The following PDSS2 variants were observed in gnomAD, a reference collection of about 807,000 sequenced individuals.
The protein encoded by PDSS2 is decaprenyl diphosphate synthase subunit 2, also known as all trans-polyprenyl-diphosphate synthase PDSS2.
PDSS2 carries 31 observed loss-of-function variants against 44.5 expected under a neutral mutation model. The observed-to-expected ratio is 0.70, with a 90% CI of 0.52 to 0.94. The LOEUF (loss-of-function observed/expected upper bound fraction) is 0.94, where lower values mean the gene tolerates loss of function less well. Ranked by LOEUF, PDSS2 falls within the 40% of genes least tolerant of loss-of-function variation. PDSS2 has a pLI of 0.00. For synonymous variants in PDSS2, 157 were observed against 180.3 expected (o/e 0.87, Z 1.03); for missense variants, 452 against 482.2 (o/e 0.94, Z 0.59).
rs372235886 is a variant in PDSS2 at position 107,308,733 on chromosome 6, TCCATG to T, written c.431+25460_431+25464del. Among the ~76,000 whole-genome samples, 115 of 152,314 alleles carry T rather than the reference TCCATG, an allele frequency of 7.6e-4. 2 individuals carry two copies. In the East Asian group the frequency reaches 0.015, roughly 20 times the overall value. ...TTGCTGCTACACACCCACCCTACTC[TCCATG>T]CCATGCATGGCTGCCACCATAATGT... On this transcript the variant is annotated intron_variant, in intron 2 of 7. Coordinates refer to ENST00000369037, the MANE Select transcript of PDSS2 (RefSeq NM_020381.4).
At chr6:107,296,797 T>C (rs1313391516) in intron 2 of PDSS2, among the ~76,000 whole-genome samples, 3 of 152,174 alleles carry the variant, frequency 2.0e-5, no homozygotes, top group Admixed American at 1.3e-4. Context: ...TTACCCAAAA[T>C]AGAGTACTGC....
intron 4 of PDSS2, among the ~76,000 whole-genome samples, chr6:107,217,374 G>C (rs1423430564): frequency 6.6e-6 from 1 of 152,118 alleles, no homozygotes; most frequent in East Asian, 1.9e-4. Context: ...GGGAGGCACA[G>C]TCAAAGTCAT....
intron 7 of PDSS2, among the ~76,000 whole-genome samples, chr6:107,182,351 G>A (rs11758043): frequency 0.034 from 5,195 of 152,214 alleles, 132 homozygotes; most frequent in Middle Eastern, 0.054. Context: ...TTGAGACAGA[G>A]TCTCACTCTA....
chr6:107,227,219 G>C (rs531119068), intron 4 of PDSS2, among the ~76,000 whole-genome samples: 10 of 148,870 alleles, frequency 6.7e-5, no homozygotes, highest in African/African-American at 2.5e-4. Context: ...CTGACCTCAA[G>C]TGATCTGCCG....
chr6:107,260,052 T>C (rs575486142), intron 3 of PDSS2, among the ~76,000 whole-genome samples: 3 of 152,308 alleles, frequency 2.0e-5, no homozygotes, highest in Non-Finnish European at 4.4e-5. Flanking sequence ...AACAATTTAA[T>C]GAAATTTCCA....
intron 1 of PDSS2, among the ~76,000 whole-genome samples, chr6:107,421,672 A>T (rs1780826894): frequency 1.3e-5 from 2 of 151,836 alleles, no homozygotes; most frequent in African/African-American, 4.8e-5. Context: ...AAGGTTAGGA[A>T]AGGAGGAAAA....
At chr6:107,315,104 C>T (rs576842777) in intron 2 of PDSS2, among the ~76,000 whole-genome samples, 1 of 151,984 alleles carries the variant, frequency 6.6e-6, no homozygotes, top group South Asian at 2.1e-4. Flanking sequence ...AATAAATTTA[C>T]CAATTACTCT....
At chr6:107,260,523 C>T (rs1032081945) in intron 3 of PDSS2, among the ~76,000 whole-genome samples, 5 of 152,094 alleles carry the variant, frequency 3.3e-5, no homozygotes, top group Non-Finnish European at 7.4e-5. Flanking sequence ...AACCTCACAT[C>T]ATGGTTGGCC....
At chr6:107,411,085 T>C (rs953871524) in intron 1 of PDSS2, among the ~76,000 whole-genome samples, 1 of 149,946 alleles carries the variant, frequency 6.7e-6, no homozygotes, top group Non-Finnish European at 1.5e-5. Flanking sequence ...AGGGTTTTGC[T>C]ATGTTGGCCA....
intron 1 of PDSS2, among the ~76,000 whole-genome samples, chr6:107,442,403 C>A (rs988193839): frequency 3.3e-5 from 5 of 151,990 alleles, no homozygotes; most frequent in African/African-American, 1.2e-4. Flanking sequence ...GGCAACAGAG[C>A]AAGACTCCAT....
At chr6:107,421,470 G>A (rs1222528382) in intron 1 of PDSS2, among the ~76,000 whole-genome samples, 1 of 151,962 alleles carries the variant, frequency 6.6e-6, no homozygotes, top group East Asian at 1.9e-4. Flanking sequence ...ATAAACTATG[G>A]TACATTCATA....
intron 1 of PDSS2, among the ~76,000 whole-genome samples, chr6:107,446,382 G>T (rs319083): frequency 0.78 from 118,051 of 152,098 alleles, 46,132 homozygotes; most frequent in Non-Finnish European, 0.83. Flanking sequence ...CAGAGTCCCA[G>T]GTACCCTTCA....
intron 1 of PDSS2, among the ~76,000 whole-genome samples, chr6:107,370,971 T>C (rs548402966): frequency 6.6e-6 from 1 of 152,060 alleles, no homozygotes; most frequent in Non-Finnish European, 1.5e-5. Flanking sequence ...GATCACGAGG[T>C]CAGAAGTTTA....
At chr6:107,289,509 G>A (rs1366081404) in intron 2 of PDSS2, among the ~76,000 whole-genome samples, 1 of 151,998 alleles carries the variant, frequency 6.6e-6, no homozygotes, top group Non-Finnish European at 1.5e-5. Context: ...AGACCAGCCT[G>A]GGCAACACGG....
In PDSS2 at chr6:107,447,052, G is replaced by A. The variant is rs537004353; in HGVS notation, c.296+11938C>T. On this transcript the variant is annotated intron_variant, in intron 1 of 7. Transcript: ENST00000369037. ...CCTATGAGCCTATAAAATCAAAAGC[G>A]GCCGGGCGCAGTGGCTCACGCCTGT... is the stretch of plus-strand genomic sequence containing the variant. Among the ~76,000 whole-genome samples, 189 of 152,204 alleles carry A rather than the reference G, an allele frequency of 1.2e-3. 3 individuals are homozygous for A. Among genetic ancestry groups the A allele is most frequent in the African/African-American group, 4.0e-3 (164 of 41,516 alleles).
At chr6:107,322,067 C>A (rs1260587793) in intron 2 of PDSS2, among the ~76,000 whole-genome samples, 2 of 152,176 alleles carry the variant, frequency 1.3e-5, no homozygotes, top group African/African-American at 4.8e-5. Context: ...CTTGCACATA[C>A]CCTTTTCTTG....
In PDSS2 at chr6:107,354,868, C is replaced by G. The variant is rs150147610; in HGVS notation, c.297-20536G>C. Among the ~76,000 whole-genome samples, 455 of 152,202 alleles carry G rather than the reference C, an allele frequency of 3.0e-3. 2 individuals are homozygous for G. The highest frequency in any genetic ancestry group is 0.01 in the African/African-American group (433 of 41,532). ...TGGTAAATGGTATCTGTCCTACATT[C>G]TCCCTTTTATAAAGTCCTGTTTTCA... On this transcript the variant is annotated intron_variant, in intron 1 of 7. Coordinates refer to ENST00000369037, the MANE Select transcript of PDSS2 (RefSeq NM_020381.4).
At chr6:107,430,796 A>T (rs539413856) in intron 1 of PDSS2, among the ~76,000 whole-genome samples, 9 of 151,974 alleles carry the variant, frequency 5.9e-5, no homozygotes, top group Non-Finnish European at 1.2e-4. Context: ...GAGACAAGAG[A>T]GAAACTCCGT....
At chr6:107,201,890 C>T (rs1004519771) in intron 6 of PDSS2, among the ~76,000 whole-genome samples, 9 of 152,186 alleles carry the variant, frequency 5.9e-5, no homozygotes, top group African/African-American at 2.2e-4. Flanking sequence ...CACTTAGATT[C>T]AACAGTTGCT....
Sources: gnomAD v4.1 joint callset for allele counts (sites outside exome capture counted in the v4.1 genomes callset) on GRCh38, gnomAD v4.1.1 for gene constraint, MANE v1.5 for transcripts, NCBI Gene and HGNC (gene_info 2026-07-23, HGNC 2026-07-21) for gene names.